The following PDE11A variants were observed in gnomAD, a reference collection of about 807,000 sequenced individuals.
PDE11A encodes the protein phosphodiesterase 11A.
PDE11A carries 100 observed loss-of-function variants against 100.5 expected under a neutral mutation model. The observed-to-expected ratio is 1.00, with a 90% CI of 0.85 to 1.18. PDE11A has a LOEUF of 1.18. PDE11A is among the 50% of genes most tolerant of loss of function. The probability of loss-of-function intolerance (pLI) is 0.00; values close to 1 mark genes in which losing one functional copy is unlikely to be tolerated. For synonymous variants in PDE11A, 381 were observed against 420.8 expected (o/e 0.91, Z 1.16); for missense variants, 1,141 against 1,152.6 (o/e 0.99, Z 0.15).
chr2:177,727,585 G>T (rs1574083662), intron 12 of PDE11A, 73 bp downstream of exon 12: 9 of 896,066 alleles, frequency 1.0e-5, no homozygotes, highest in Non-Finnish European at 1.7e-5. Flanking sequence ...CAGAGAAATG[G>T]AAATGTAAAG....
At chr2:177,928,660 C>T (rs755868488) in intron 2 of PDE11A, among the ~76,000 whole-genome samples, 4 of 152,200 alleles carry the variant, frequency 2.6e-5, no homozygotes, top group Non-Finnish European at 5.9e-5. Flanking sequence ...CCTATAATCT[C>T]AGCACTTTGG....
intron 10 of PDE11A, among the ~76,000 whole-genome samples, chr2:177,733,864 G>A (rs893486611): frequency 2.0e-5 from 3 of 152,218 alleles, no homozygotes; most frequent in Non-Finnish European, 4.4e-5. Context: ...AACCCTAAAA[G>A]CTTGGGAATA....
At chr2:177,682,083 A>T (rs1386012712) in intron 15 of PDE11A, among the ~76,000 whole-genome samples, 1 of 152,150 alleles carries the variant, frequency 6.6e-6, no homozygotes, top group Non-Finnish European at 1.5e-5. Flanking sequence ...GAAGGCTGCT[A>T]CCTGGAGGCT....
chr2:177,961,062 G>T (rs1035489687), intron 2 of PDE11A, among the ~76,000 whole-genome samples: 2 of 152,140 alleles, frequency 1.3e-5, no homozygotes, highest in Admixed American at 1.3e-4. Flanking sequence ...CCAGGATGCT[G>T]CCCCCAAATG....
rs190984321 is a variant in PDE11A, at chr2:177,658,833, C to G, written c.2646+5033G>C. The stretch of plus-strand genomic sequence containing the variant: ...GTCCTGGAGTAGCACCTTATATCCT[C>G]TTTTCTAGTTTGTCAGTTTCTAACT... On this transcript the variant is annotated intron_variant, in intron 19 of 19. Transcript: ENST00000286063. Among the ~76,000 whole-genome samples the G allele has an allele frequency of 2.2e-4, 33 of 151,708 alleles. No individual in the cohort carries two copies. The East Asian group carries it at 5.8e-3, about 27-fold the overall frequency.
At chr2:178,028,006 G>A (rs2086498649) in intron 1 of PDE11A, among the ~76,000 whole-genome samples, 1 of 152,188 alleles carries the variant, frequency 6.6e-6, no homozygotes. Context: ...ACAGCAGTGT[G>A]TTCCACCACT....
chr2:177,715,482 A>T (rs187782191), intron 12 of PDE11A, among the ~76,000 whole-genome samples: 2,677 of 150,652 alleles, frequency 0.018, 65 homozygotes, highest in African/African-American at 0.049. Flanking sequence ...TTTTTTTTTT[A>T]AAATAATTTT....
At chr2:177,783,681 T>C (rs1366747449) in intron 9 of PDE11A, among the ~76,000 whole-genome samples, 1 of 152,222 alleles carries the variant, frequency 6.6e-6, no homozygotes, top group Non-Finnish European at 1.5e-5. Context: ...AACCTTTGTT[T>C]TTATTCTGTT....
At chr2:177,735,452 G>A (rs13031632) in intron 10 of PDE11A, among the ~76,000 whole-genome samples, 23,257 of 151,938 alleles carry the variant, frequency 0.15, 2,111 homozygotes, top group Middle Eastern at 0.27. Flanking sequence ...GGCAACAACA[G>A]GAATGAGCGT....
intron 2 of PDE11A, among the ~76,000 whole-genome samples, chr2:177,964,627 G>C (rs2085676081): frequency 1.3e-5 from 2 of 152,024 alleles, no homozygotes; most frequent in Non-Finnish European, 2.9e-5. Flanking sequence ...CTTAAAAGTG[G>C]GAACATGTGG....
At chr2:177,643,473 G>A (rs2080176115) in intron 19 of PDE11A, among the ~76,000 whole-genome samples, 1 of 152,106 alleles carries the variant, frequency 6.6e-6, no homozygotes, top group Non-Finnish European at 1.5e-5. Flanking sequence ...GATGATTAAG[G>A]GTACCTGGCG....
At chr2:177,816,344 T>C (rs2083039203) in intron 9 of PDE11A, among the ~76,000 whole-genome samples, 1 of 152,064 alleles carries the variant, frequency 6.6e-6, no homozygotes, top group Non-Finnish European at 1.5e-5. Flanking sequence ...TGTGCAGACA[T>C]GGGAACAGGT....
chr2:177,872,714 T>A (rs2084159920), intron 5 of PDE11A, among the ~76,000 whole-genome samples: 2 of 152,182 alleles, frequency 1.3e-5, no homozygotes, highest in African/African-American at 4.8e-5. Context: ...ATAGTGATGA[T>A]GTTAAATGAT....
chr2:177,930,132 A>G (rs534825568), intron 2 of PDE11A, among the ~76,000 whole-genome samples: 1 of 152,336 alleles, frequency 6.6e-6, no homozygotes, highest in East Asian at 1.9e-4. Context: ...GTGAAATTCA[A>G]CAGCCCTCTC....
chr2:178,030,789 G>C (rs1407821878), intron 1 of PDE11A, among the ~76,000 whole-genome samples: 2 of 152,198 alleles, frequency 1.3e-5, no homozygotes, highest in African/African-American at 4.8e-5. Context: ...GAGGTGCAGG[G>C]ATCACCTGAG....
chr2:177,769,229 G>C, intron 10 of PDE11A, 94 bp downstream of exon 10: 1 of 801,716 alleles, frequency 1.2e-6, no homozygotes, highest in Non-Finnish European at 2.3e-6. Flanking sequence ...CTCCCAATGG[G>C]CAGGATTAAT....
At chr2:177,994,595 G>C (rs1047213092) in intron 2 of PDE11A, among the ~76,000 whole-genome samples, 3 of 152,220 alleles carry the variant, frequency 2.0e-5, no homozygotes, top group African/African-American at 7.2e-5. Flanking sequence ...GTAATTTCAA[G>C]AAGGAGAATG....
At chr2:177,834,305 T>A (rs1304968252) in intron 6 of PDE11A, among the ~76,000 whole-genome samples, 1 of 152,218 alleles carries the variant, frequency 6.6e-6, no homozygotes, top group Non-Finnish European at 1.5e-5. Context: ...CTGAGCTTTC[T>A]TGTCCTCAGA....
At chr2:177,718,636 A>C (rs1008355317) in intron 12 of PDE11A, among the ~76,000 whole-genome samples, 8 of 152,224 alleles carry the variant, frequency 5.3e-5, no homozygotes, top group African/African-American at 1.7e-4. Context: ...CAACTTTATA[A>C]AATGTTTAAA....
Sources: allele counts gnomAD v4.1 joint callset (sites outside exome capture counted in the v4.1 genomes callset), GRCh38; gene constraint gnomAD v4.1.1; transcripts MANE v1.5; gene names NCBI Gene and HGNC (gene_info 2026-07-23, HGNC 2026-07-21).